FGD4: variants seen among roughly 807,000 people sequenced by gnomAD.
The protein encoded by FGD4 is FYVE, RhoGEF and PH domain-containing protein 4.
In FGD4, 42 loss-of-function variants were observed where a neutral mutation model predicts 102.0. That is an observed-to-expected ratio of 0.41 (90% CI 0.32 to 0.53). The LOEUF (loss-of-function observed/expected upper bound fraction) is 0.53, where lower values mean the gene tolerates loss of function less well. Among genes scored for constraint, FGD4 ranks in the 20% least tolerant of loss-of-function variants. FGD4 has a pLI of 0.21. For missense variants in FGD4, 902 were observed against 1,078.2 expected (o/e 0.84, Z 2.29); for synonymous variants, 380 against 375.7 (o/e 1.01, Z -0.13).
chr12:32,579,875 C>T (rs1322881617), intron 3 of FGD4, among the ~76,000 whole-genome samples: 7 of 152,032 alleles, frequency 4.6e-5, no homozygotes, highest in African/African-American at 1.7e-4. Context: ...TCATCACTTT[C>T]TTGCTGTTTA....
intron 1 of FGD4, among the ~76,000 whole-genome samples, chr12:32,422,095 A>G (rs10844201): frequency 0.42 from 62,332 of 148,872 alleles, 14,121 homozygotes; most frequent in African/African-American, 0.59. Context: ...AGTGAGCCGA[A>G]ATCATGCCAC....
At chr12:32,560,311 G>A (rs1944434532) in intron 1 of FGD4, among the ~76,000 whole-genome samples, 1 of 152,172 alleles carries the variant, frequency 6.6e-6, no homozygotes, top group Non-Finnish European at 1.5e-5. Context: ...CAGCGCAATG[G>A]TGTGATCACG....
At chr12:32,583,699 T>C (rs1188118953) in intron 4 of FGD4, among the ~76,000 whole-genome samples, 9 of 152,196 alleles carry the variant, frequency 5.9e-5, no homozygotes. Context: ...GTGAAACATA[T>C]ACTGACTCTG....
At chr12:32,454,570 A>T (rs987041690) in intron 1 of FGD4, among the ~76,000 whole-genome samples, 3 of 152,192 alleles carry the variant, frequency 2.0e-5, no homozygotes, top group South Asian at 2.1e-4. Flanking sequence ...TTTATTTTTT[A>T]AAAATCGCTA....
chr12:32,485,851 G>T, intron 1 of FGD4: 1 of 1,216,474 alleles, frequency 8.2e-7, no homozygotes, highest in Non-Finnish European at 1.0e-6. Flanking sequence ...GTATTCTAGA[G>T]CTCTCTCAGT....
At chr12:32,485,783 T>C (rs1431691644) in intron 1 of FGD4, 5 of 928,890 alleles carry the variant, frequency 5.4e-6, no homozygotes, top group Non-Finnish European at 6.4e-6. Flanking sequence ...TAAGCCTAAA[T>C]GCCATAAATG....
At chr12:32,517,483 A>G (rs990198187) in intron 1 of FGD4, among the ~76,000 whole-genome samples, 2 of 152,194 alleles carry the variant, frequency 1.3e-5, no homozygotes, top group African/African-American at 4.8e-5. Flanking sequence ...TTACTTTTAC[A>G]TTAGAATTTA....
chr12:32,564,856 C>G (rs1398308589), intron 2 of FGD4, among the ~76,000 whole-genome samples: 2 of 152,098 alleles, frequency 1.3e-5, no homozygotes, highest in African/African-American at 4.8e-5. Context: ...TTTCAGTGAC[C>G]ATTTCCTTTT....
At chr12:32,611,039 A>C in intron 9 of FGD4, 98 bp from the exon 10 acceptor site, 3 of 1,452,216 alleles carry the variant, frequency 2.1e-6, no homozygotes, top group South Asian at 2.3e-5. Context: ...CTTACTCCTA[A>C]TCCCTTCTAA....
chr12:32,526,060 C>CA (rs1437274327), intron 1 of FGD4, among the ~76,000 whole-genome samples: 3 of 152,386 alleles, frequency 2.0e-5, no homozygotes, highest in East Asian at 3.9e-4. Context: ...AATGCGAGCG[C>CA]AGGGGGCAGG....
intron 1 of FGD4, among the ~76,000 whole-genome samples, chr12:32,500,578 C>T (rs954283523): frequency 2.0e-5 from 3 of 151,898 alleles, no homozygotes; most frequent in Admixed American, 6.6e-5. Flanking sequence ...GGACTACAGG[C>T]GCCCGCCACC....
intron 4 of FGD4, among the ~76,000 whole-genome samples, chr12:32,594,287 CAT>C (rs1947700130): frequency 6.6e-6 from 1 of 152,116 alleles, no homozygotes; most frequent in South Asian, 2.1e-4. Context: ...ATTAGATTCT[CAT>C]AGGAACTTGA....
chr12:32,507,444 T>G (rs1024176159), intron 1 of FGD4, among the ~76,000 whole-genome samples: 1 of 152,152 alleles, frequency 6.6e-6, no homozygotes, highest in Non-Finnish European at 1.5e-5. Flanking sequence ...TGTAATCTGG[T>G]GCAGTGAAAG....
intron 2 of FGD4, 82 bp downstream of exon 2, chr12:32,564,371 A>G: frequency 1.4e-6 from 2 of 1,467,018 alleles, no homozygotes; most frequent in Non-Finnish European, 1.8e-6. Context: ...GGCCACAAAG[A>G]AAGTGTTTTA....
chr12:32,547,301 G>A (rs1943300814), intron 1 of FGD4, among the ~76,000 whole-genome samples: 1 of 152,130 alleles, frequency 6.6e-6, no homozygotes, highest in Admixed American at 6.5e-5. Context: ...ATAGCTGAGT[G>A]TGGTGGCATA....
chr12:32,633,502 C>CATAT, intron 14 of FGD4, 47 bp from the exon 15 acceptor site: 1 of 1,570,380 alleles, frequency 6.4e-7, no homozygotes, highest in Non-Finnish European at 8.7e-7. Flanking sequence ...CTGCTTAAAT[C>CATAT]ATATCCTTTA....
chr12:32,443,338 C>A (rs1290650224), intron 1 of FGD4, among the ~76,000 whole-genome samples: 2 of 151,838 alleles, frequency 1.3e-5, no homozygotes, highest in Non-Finnish European at 2.9e-5. Context: ...AGAACAAGAC[C>A]CCTGGTTTTT....
intron 15 of FGD4, among the ~76,000 whole-genome samples, chr12:32,636,375 A>G (rs1950815206): frequency 6.6e-6 from 1 of 151,970 alleles, no homozygotes; most frequent in Non-Finnish European, 1.5e-5. Context: ...TCTACTAAAA[A>G]TACAAAAATT....
chr12:32,568,274 T>A (rs970476184), intron 2 of FGD4, among the ~76,000 whole-genome samples: 13 of 152,222 alleles, frequency 8.5e-5, no homozygotes, highest in Admixed American at 5.9e-4. Flanking sequence ...AAACTTGCAT[T>A]TGGATCCAAA....
Sources: gnomAD v4.1 joint callset for allele counts (sites outside exome capture counted in the v4.1 genomes callset) on GRCh38, gnomAD v4.1.1 for gene constraint, MANE v1.5 for transcripts, NCBI Gene and HGNC (gene_info 2026-07-23, HGNC 2026-07-21) for gene names.